Variants in GRID1 observed in about 807,000 individuals in gnomAD.
GRID1 encodes glutamate receptor ionotropic, delta-1.
GRID1 carries 28 observed loss-of-function variants against 98.0 expected under a neutral mutation model. The observed-to-expected ratio is 0.29, with a 90% CI of 0.21 to 0.39. The LOEUF (loss-of-function observed/expected upper bound fraction) is 0.39, where lower values mean the gene tolerates loss of function less well. GRID1 is among the 10% of genes least tolerant of loss of function. The probability of loss-of-function intolerance (pLI) is 1.00; values close to 1 mark genes in which losing one functional copy is unlikely to be tolerated. For synonymous variants in GRID1, 553 were observed against 538.5 expected, an observed-to-expected ratio of 1.03 and a Z score of -0.37; for missense variants, 1,111 against 1,340.5, an observed-to-expected ratio of 0.83 and a Z score of 2.67.
At chr10:86,350,471 G>A (rs769039188) in intron 2 of GRID1, among the ~76,000 whole-genome samples, 15 of 152,170 alleles carry the variant, frequency 9.9e-5, no homozygotes, top group African/African-American at 3.1e-4. Flanking sequence ...AGCCAGGTGC[G>A]TAGTGGGAGG....
intron 2 of GRID1, among the ~76,000 whole-genome samples, chr10:86,245,354 C>G (rs1204713028): frequency 1.3e-5 from 2 of 152,224 alleles, no homozygotes; most frequent in Non-Finnish European, 2.9e-5. Flanking sequence ...ACCCCTCAGA[C>G]AGTCACCCAT....
rs538541910 is a variant in GRID1, at chr10:86,153,291, C to T, written c.521-14267G>A. Among the ~76,000 whole-genome samples the T allele has an allele frequency of 3.3e-5, 5 of 152,364 alleles. No individual in the cohort carries two copies. In the South Asian group the frequency reaches 1.0e-3, roughly 32 times the overall value. On this transcript the variant is annotated intron_variant, in intron 3 of 15. Transcript: ENST00000327946. ...TCACACTCACCTGCACTCACACACA[C>T]TCAGTGGGCTGGAGCCCATCCTACC...
chr10:85,996,393 A>T (rs1031286661), intron 4 of GRID1, among the ~76,000 whole-genome samples: 2 of 152,236 alleles, frequency 1.3e-5, no homozygotes, highest in Non-Finnish European at 2.9e-5. Context: ...ACTTTTAAAA[A>T]ACCAAATAGG....
At chr10:85,712,349 T>C (rs1404678074) in intron 12 of GRID1, among the ~76,000 whole-genome samples, 2 of 151,826 alleles carry the variant, frequency 1.3e-5, no homozygotes, top group Non-Finnish European at 3.0e-5. Context: ...ATAGGTTGAC[T>C]ATACTTATAT....
chr10:86,150,159 C>T (rs1008301704), intron 3 of GRID1, among the ~76,000 whole-genome samples: 1 of 152,174 alleles, frequency 6.6e-6, no homozygotes, highest in Non-Finnish European at 1.5e-5. Context: ...ATGGCATTTC[C>T]CCACAAGCTT....
intron 12 of GRID1, among the ~76,000 whole-genome samples, chr10:85,664,621 T>C (rs1428046572): frequency 6.6e-6 from 1 of 152,296 alleles, no homozygotes; most frequent in East Asian, 1.9e-4. Flanking sequence ...CAGCCGAGCT[T>C]GAAGCCACAG....
At chr10:85,698,883 C>T (rs1266043048) in intron 12 of GRID1, among the ~76,000 whole-genome samples, 3 of 152,164 alleles carry the variant, frequency 2.0e-5, no homozygotes, top group African/African-American at 7.2e-5. Context: ...TTTTAATTTG[C>T]ATTCCCTAAT....
At chr10:86,210,596 G>A (rs1043425280) in intron 2 of GRID1, among the ~76,000 whole-genome samples, 1 of 152,134 alleles carries the variant, frequency 6.6e-6, no homozygotes, top group Non-Finnish European at 1.5e-5. Flanking sequence ...GAGCCATCTC[G>A]CCCTCCCCGT....
intron 12 of GRID1, among the ~76,000 whole-genome samples, chr10:85,695,162 G>T (rs1841379746): frequency 6.6e-6 from 1 of 152,082 alleles, no homozygotes; most frequent in South Asian, 2.1e-4. Flanking sequence ...CTTTAGGTTA[G>T]TCCTCAATGA....
At chr10:85,661,319 T>G (rs1157932255) in intron 12 of GRID1, among the ~76,000 whole-genome samples, 1 of 152,160 alleles carries the variant, frequency 6.6e-6, no homozygotes, top group East Asian at 1.9e-4. Context: ...GGCCTTTTCC[T>G]GCTGTGATAT....
At chr10:85,641,724 C>T (rs1843121403) in intron 13 of GRID1, among the ~76,000 whole-genome samples, 1 of 152,302 alleles carries the variant, frequency 6.6e-6, no homozygotes, top group East Asian at 1.9e-4. Context: ...GGCCCAGTGC[C>T]TGGGATGTAG....
In GRID1 at chr10:85,667,149, C is replaced by T. The variant is rs1019440605; in HGVS notation, c.1998-19752G>A. ...TCGCTCTCTGCGGTTATGTGATTGA[C>T]GTGACTGTCTCCAGTGTAAATCTGC... On this transcript the variant is annotated intron_variant, in intron 12 of 15. Coordinates refer to ENST00000327946, the MANE Select transcript of GRID1 (RefSeq NM_017551.3). Among the ~76,000 whole-genome samples the T allele has an allele frequency of 1.6e-4, 24 of 152,262 alleles. No homozygotes were observed. In the South Asian group the frequency reaches 2.9e-3, roughly 18 times the overall value.
intron 8 of GRID1, among the ~76,000 whole-genome samples, chr10:85,836,016 A>C (rs1182307428): frequency 6.6e-6 from 1 of 152,196 alleles, no homozygotes; most frequent in African/African-American, 2.4e-5. Context: ...ATATTAAATT[A>C]TGTAAAATGC....
chr10:85,852,477 T>G (rs1241247060), intron 8 of GRID1, among the ~76,000 whole-genome samples: 1 of 151,880 alleles, frequency 6.6e-6, no homozygotes, highest in East Asian at 1.9e-4. Flanking sequence ...GACTGGAGGG[T>G]CAGCTGCTTG....
At chr10:86,037,302 C>G (rs1843278970) in intron 4 of GRID1, among the ~76,000 whole-genome samples, 2 of 152,128 alleles carry the variant, frequency 1.3e-5, no homozygotes, top group Middle Eastern at 3.2e-3. Context: ...ACATCCGGGC[C>G]TCAAAAAGCA....
intron 2 of GRID1, among the ~76,000 whole-genome samples, chr10:86,231,483 G>A (rs943307389): frequency 2.0e-5 from 3 of 152,244 alleles, no homozygotes; most frequent in African/African-American, 7.2e-5. Flanking sequence ...TGTGCCCTGA[G>A]CCAGGGCATG....
intron 5 of GRID1, among the ~76,000 whole-genome samples, chr10:85,915,691 C>T (rs1216445438): frequency 1.3e-5 from 2 of 151,872 alleles, no homozygotes; most frequent in Non-Finnish European, 2.9e-5. Context: ...TACACACTCA[C>T]ATCATAAACA....
chr10:86,178,040 A>T (rs2131998686), intron 3 of GRID1, among the ~76,000 whole-genome samples: 1 of 152,162 alleles, frequency 6.6e-6, no homozygotes, highest in East Asian at 1.9e-4. Flanking sequence ...GTGAGTTTTC[A>T]AGTGAGGAGG....
At chr10:86,126,460 C>CA (rs142558184) in intron 4 of GRID1, among the ~76,000 whole-genome samples, 15,259 of 151,274 alleles carry the variant, frequency 0.1, 1,537 homozygotes, top group African/African-American at 0.26. Context: ...GTCTCAAAAA[C>CA]AAAAAAAAGA....
Sources: gnomAD v4.1 joint callset for allele counts (sites outside exome capture counted in the v4.1 genomes callset) on GRCh38, gnomAD v4.1.1 for gene constraint, MANE v1.5 for transcripts, NCBI Gene and HGNC (gene_info 2026-07-23, HGNC 2026-07-21) for gene names.